GABRB3: variants seen among roughly 807,000 people sequenced by gnomAD.
GABRB3 encodes gamma-aminobutyric acid type A receptor subunit beta3.
GABRB3 carries 14 observed loss-of-function variants against 52.1 expected under a neutral mutation model. That is an observed-to-expected ratio of 0.27 (90% CI 0.18 to 0.42). The LOEUF is 0.42. Ranked by LOEUF, GABRB3 falls within the 10% of genes least tolerant of loss-of-function variation. The probability of loss-of-function intolerance (pLI) is 1.00; values close to 1 mark genes in which losing one functional copy is unlikely to be tolerated. For missense variants in GABRB3, 307 were observed against 609.1 expected (o/e 0.50, Z 5.22); for synonymous variants, 260 against 232.3 (o/e 1.12, Z -1.08).
Position 26,768,375 on chromosome 15 carries a change from AC to A in GABRB3, c.240+4026del, listed in dbSNP as rs566276371. On this transcript the variant is annotated intron_variant, in intron 3 of 8. Transcript: ENST00000311550. Reference sequence around the variant, plus strand: ...ATAGTTAATGAAGTAAAAAGTAAGTACATGTAACTTCTCCAAATTAACAGAT... The same window carrying A: ...ATAGTTAATGAAGTAAAAAGTAAGTAATGTAACTTCTCCAAATTAACAGAT... Among the ~76,000 whole-genome samples the A allele has an allele frequency of 5.9e-5, 9 of 152,356 alleles. No individual in the cohort carries two copies. The South Asian group carries it at 1.9e-3, about 32-fold the overall frequency.
In GABRB3 at chr15:26,549,183, T is replaced by C. The variant is rs1212193499; in HGVS notation, c.1081-1049A>G. On this transcript the variant is annotated intron_variant, in intron 8 of 8. Transcript: ENST00000311550. ...GTTATTTTGTGTAGGAATAATTTAT[T>C]GCCGTATTAATTTGTGTCTTCCCGC... 2.0e-5 allele frequency among the ~76,000 whole-genome samples: 3 copies of C among 152,354 alleles called. No individual in the cohort carries two copies. In the East Asian group the frequency reaches 5.8e-4, roughly 29 times the overall value.
intron 3 of GABRB3, among the ~76,000 whole-genome samples, chr15:26,647,868 C>T (rs952603735): frequency 3.3e-5 from 5 of 152,084 alleles, no homozygotes; most frequent in South Asian, 4.2e-4. Flanking sequence ...CACTGTTAGT[C>T]GAGGAGGAAA....
chr15:26,554,106 G>GTGTA (rs757744367), intron 8 of GABRB3, among the ~76,000 whole-genome samples: 33,612 of 61,522 alleles, frequency 0.55, 10,892 homozygotes, highest in Non-Finnish European at 0.6. Context: ...TAAAGTGTGT[G>GTGTA]TATATATATA....
At chr15:26,701,179 C>A (rs1171885969) in intron 3 of GABRB3, among the ~76,000 whole-genome samples, 6 of 152,190 alleles carry the variant, frequency 3.9e-5, no homozygotes, top group Non-Finnish European at 8.8e-5. Context: ...GACTGCTTTC[C>A]TTCTAAATCA....
chr15:26,586,287 G>A (rs1457680605), intron 4 of GABRB3, among the ~76,000 whole-genome samples: 1 of 151,848 alleles, frequency 6.6e-6, no homozygotes, highest in African/African-American at 2.4e-5. Flanking sequence ...GTGAGCCACC[G>A]CGCCTGGCTT....
chr15:26,595,983 A>C (rs1057164960), intron 4 of GABRB3, among the ~76,000 whole-genome samples: 1 of 152,122 alleles, frequency 6.6e-6, no homozygotes, highest in Non-Finnish European at 1.5e-5. Context: ...TTCTCATTAA[A>C]TGTGTCTTTC....
At chr15:26,698,341 T>G (rs1566810015) in intron 3 of GABRB3, among the ~76,000 whole-genome samples, 1 of 152,228 alleles carries the variant, frequency 6.6e-6, no homozygotes, top group Non-Finnish European at 1.5e-5. Context: ...GTATTTACTC[T>G]TTATTACATA....
Position 26,757,836 on chromosome 15 carries a change from T to C in GABRB3, c.240+14566A>G, listed in dbSNP as rs149742163. On this transcript the variant is annotated intron_variant, in intron 3 of 8. Coordinates refer to ENST00000311550, the MANE Select transcript of GABRB3 (RefSeq NM_000814.6). ...CTAGAATTTTAAAAATCTCTCTCTA[T>C]ATAGCTCACTTTGCACTAACCTGTT... is the stretch of plus-strand genomic sequence containing the variant. 4.6e-5 allele frequency among the ~76,000 whole-genome samples: 7 copies of C among 152,342 alleles called. No individual in the cohort carries two copies. The East Asian group carries it at 1.4e-3, about 29-fold the overall frequency.
chr15:26,595,636 G>A (rs994306576), intron 4 of GABRB3, among the ~76,000 whole-genome samples: 3 of 152,170 alleles, frequency 2.0e-5, no homozygotes, highest in East Asian at 1.9e-4. Context: ...CTTTGCTGAT[G>A]TTACCATCCA....
chr15:26,687,050 T>C (rs968246406), intron 3 of GABRB3, among the ~76,000 whole-genome samples: 1 of 152,194 alleles, frequency 6.6e-6, no homozygotes, highest in Admixed American at 6.5e-5. Flanking sequence ...GCGAGCTGGC[T>C]CTGGGACCTA....
At chr15:26,716,633 G>A (rs1889475472) in intron 3 of GABRB3, 1 of 1,002,428 alleles carries the variant, frequency 1.0e-6, no homozygotes, top group African/African-American at 1.7e-5. Context: ...GAGGCCTCTT[G>A]TGGGTTCTCA....
chr15:26,649,494 G>A (rs945550830), intron 3 of GABRB3, among the ~76,000 whole-genome samples: 2 of 152,182 alleles, frequency 1.3e-5, no homozygotes, highest in African/African-American at 4.8e-5. Flanking sequence ...TACCTGGTCT[G>A]TGGTATTCTG....
At chr15:26,575,934 C>A (rs776513630) in intron 6 of GABRB3, among the ~76,000 whole-genome samples, 66 of 152,326 alleles carry the variant, frequency 4.3e-4, no homozygotes, top group Admixed American at 3.4e-3. Context: ...CTGTTCTCCA[C>A]ATATCTTGCG....
At chr15:26,602,527 A>G (rs917218610) in intron 4 of GABRB3, among the ~76,000 whole-genome samples, 1 of 152,100 alleles carries the variant, frequency 6.6e-6, no homozygotes, top group Non-Finnish European at 1.5e-5. Flanking sequence ...AACCAAGTTT[A>G]AAACGTTGAA....
At chr15:26,692,958 A>G (rs1394729578) in intron 3 of GABRB3, among the ~76,000 whole-genome samples, 1 of 152,238 alleles carries the variant, frequency 6.6e-6, no homozygotes, top group Non-Finnish European at 1.5e-5. Context: ...GAACTTTAAG[A>G]AAACTATTGG....
chr15:26,629,908 G>A (rs899426002), intron 3 of GABRB3, among the ~76,000 whole-genome samples: 1 of 152,092 alleles, frequency 6.6e-6, no homozygotes, highest in African/African-American at 2.4e-5. Context: ...TGGGCACCCT[G>A]AGAACGTTTG....
intron 4 of GABRB3, among the ~76,000 whole-genome samples, chr15:26,590,773 A>G (rs1891170445): frequency 6.6e-6 from 1 of 152,164 alleles, no homozygotes; most frequent in South Asian, 2.1e-4. Flanking sequence ...TTAGCAGCCA[A>G]TTCCTTTCCT....
intron 3 of GABRB3, among the ~76,000 whole-genome samples, chr15:26,746,072 G>A (rs990903470): frequency 2.6e-5 from 4 of 152,136 alleles, no homozygotes; most frequent in Non-Finnish European, 4.4e-5. Context: ...CACCAGCAAC[G>A]TAGGAGTGAT....
chr15:26,674,400 CAAAAAAAA>C (rs55723767), intron 3 of GABRB3, among the ~76,000 whole-genome samples: 5 of 86,788 alleles, frequency 5.8e-5, no homozygotes, highest in South Asian at 8.7e-4. Context: ...GACTCAGTTT[CAAAAAAAA>C]AAAAAAAAAA....
Sources: gnomAD v4.1 joint callset for allele counts (sites outside exome capture counted in the v4.1 genomes callset) on GRCh38, gnomAD v4.1.1 for gene constraint, MANE v1.5 for transcripts, NCBI Gene and HGNC (gene_info 2026-07-23, HGNC 2026-07-21) for gene names.